Variants in JUP observed in about 807,000 individuals in gnomAD.
JUP encodes catenin (cadherin-associated protein), gamma 80kDa.
A neutral mutation model predicts 71.1 loss-of-function variants in JUP; 28 were observed. The ratio of observed to expected loss-of-function variants is 0.39; its 90% CI spans 0.29 to 0.54. The LOEUF is 0.54. Among genes scored for constraint, JUP ranks in the 20% least tolerant of loss-of-function variants. JUP has a pLI of 0.62. For missense variants in JUP, 869 were observed against 1,030.1 expected (o/e 0.84, Z 2.14); for synonymous variants, 401 against 438.9 (o/e 0.91, Z 1.08).
Position 41,769,558 on chromosome 17 carries a change from C to A in JUP, c.328G>T (p.Ala110Ser), listed in dbSNP as rs1916275770. The change falls in exon 3 of 14, where the codon GCC becomes TCC. Residue 110 changes from alanine (A) to serine (S), a missense_variant. Transcript: ENST00000393931. Reference protein sequence around the residue: ...LLLATQVEGQATNLQRLAEPS... With the variant: ...LLLATQVEGQSTNLQRLAEPS... The stretch of plus-strand genomic sequence containing the variant: ...TCGGCCAGTCGCTGCAGGTTGGTGG[C>A]CTGCCCCTCCACCTGGGTGGCCAGC... 6.2e-6 allele frequency: 10 copies of A among 1,607,914 alleles called. No individual in the cohort carries two copies. The highest frequency in any genetic ancestry group is 8.5e-6 in the Non-Finnish European group (10 of 1,178,050).
Position 41,755,579 on chromosome 17 carries a change from G to A in JUP, c.*165C>T. 1.6e-6 allele frequency: 1 copy of A among 609,046 alleles called. No individual in the cohort carries two copies. The allele number at this position is 609,046 out of a possible 1,614,324, so 37.7% of individuals were successfully genotyped here. On this transcript the variant is annotated 3_prime_UTR_variant, in exon 14 of 14. Coordinates refer to ENST00000393931, the MANE Select transcript of JUP (RefSeq NM_002230.4). The stretch of plus-strand genomic sequence containing the variant: ...CCCATCCCCACCAAAGACACAAGAA[G>A]AAGGCAGGCCAGGGCACACCGTGCT...
chr17:41,758,096 TA>T lies in JUP; in HGVS notation c.1773+302del, dbSNP rs1386194949. On this transcript the variant is annotated intron_variant, in intron 10 of 13. Transcript: ENST00000393931. ...ATATTCTCCCAGTTTGCTGATTTTTTAAAAATGCTTTTTTAGGTTCTTTCTG... is the reference window on the plus strand; with the variant it reads ...ATATTCTCCCAGTTTGCTGATTTTTTAAAATGCTTTTTTAGGTTCTTTCTG... 5.9e-5 allele frequency: 31 copies of T among 526,982 alleles called. No homozygotes were observed. In the South Asian group the frequency reaches 8.2e-4, roughly 14 times the overall value. 32.6% of individuals were successfully genotyped at this position (526,982 alleles called of 1,614,324 possible).
At position 41,755,185 on chromosome 17, in the gene JUP, A is replaced by G; in HGVS notation, c.*559T>C. The G allele has an allele frequency of 2.5e-6, 1 of 398,114 alleles. No homozygotes were observed. The highest frequency in any genetic ancestry group is 4.4e-6 in the Non-Finnish European group (1 of 226,254). 24.7% of individuals were successfully genotyped at this position (398,114 alleles called of 1,614,324 possible). On this transcript the variant is annotated 3_prime_UTR_variant, in exon 14 of 14. Coordinates refer to ENST00000393931, the MANE Select transcript of JUP (RefSeq NM_002230.4). ...TTTGGAGGGGCGTTGCTGGGGGAAA[A>G]CAGAATGGGTACTTGAGTCTGAAGC...
intron 12 of JUP, 25 bp downstream of exon 12, chr17:41,757,390 C>T (rs1184320958): frequency 2.5e-6 from 4 of 1,614,052 alleles, no homozygotes; most frequent in Non-Finnish European, 3.4e-6. Context: ...CAACCAACTA[C>T]TGTGGTCCAA....
Position 41,771,928 on chromosome 17 carries a change from G to A in JUP, c.-8-66C>T, listed in dbSNP as rs77327994. ...CTGGCCCAGCCCCCAGCTTCAGCCC[G>A]TCACCAAGCCCCGCCTGTCTTCCCA... On this transcript the variant is annotated intron_variant, in intron 1 of 13. Transcript: ENST00000393931. 0.019 allele frequency: 25,025 copies of A among 1,324,322 alleles called. 300 individuals carry two copies. The highest frequency in any genetic ancestry group is 0.021 in the Non-Finnish European group (20,101 of 944,362). 82.0% of individuals were successfully genotyped at this position (1,324,322 alleles called of 1,614,324 possible). A position where few individuals can be genotyped will look rare whatever the true frequency, so the allele number is the denominator to read the frequency against.
chr17:41,767,595 A>G lies in JUP; in HGVS notation c.708-15T>C. 1.7e-5 allele frequency: 16 copies of G among 939,146 alleles called. No homozygotes were observed. Among genetic ancestry groups the G allele is most frequent in the Non-Finnish European group, 2.5e-5 (15 of 602,424 alleles). 58.2% of individuals were successfully genotyped at this position (939,146 alleles called of 1,614,324 possible). A position where few individuals can be genotyped will look rare whatever the true frequency, so the allele number is the denominator to read the frequency against. The stretch of plus-strand genomic sequence containing the variant: ...CCACAGGGGAGCTGGGGGGGTGGGC[A>G]GGGGTTAGTACGCTGAGGTCCCAGA... On this transcript the variant is annotated splice_polypyrimidine_tract_variant and intron_variant, in intron 4 of 13. Coordinates refer to ENST00000393931, the MANE Select transcript of JUP (RefSeq NM_002230.4).
intron 1 of JUP, among the ~76,000 whole-genome samples, chr17:41,783,284 C>T (rs935930936): frequency 7.4e-5 from 8 of 108,322 alleles, no homozygotes; most frequent in Admixed American, 1.3e-4. Flanking sequence ...TAATGATACG[C>T]GTTTTTTTTG....
Position 41,757,499 on chromosome 17 carries a change from C to G in JUP, c.1962G>C (p.Glu654Asp), listed in dbSNP as rs1452869679. The G allele has an allele frequency of 1.2e-6, 2 of 1,614,062 alleles. No homozygotes were observed. Among genetic ancestry groups the G allele is most frequent in the Non-Finnish European group, 1.7e-6 (2 of 1,180,044 alleles). ...GCTTCCGGTAGTCTGGGTTCTTGTCCTCGGAGATGCGGAACAGGACGGCAG... is the reference window on the plus strand; with the variant it reads ...GCTTCCGGTAGTCTGGGTTCTTGTCGTCGGAGATGCGGAACAGGACGGCAG... ...YAAAVLFRISEDKNPDYRKRV... is the reference protein window; with the variant it reads ...YAAAVLFRISDDKNPDYRKRV... Residue 654 changes from glutamate to aspartate, a missense_variant, in exon 12 of 14, where the codon GAG (glutamate) becomes GAC (aspartate). Coordinates refer to ENST00000393931, the MANE Select transcript of JUP (RefSeq NM_002230.4).
chr17:41,757,148 C>T (rs79185099), intron 12 of JUP, among the ~76,000 whole-genome samples: 1 of 152,328 alleles, frequency 6.6e-6, no homozygotes, highest in Non-Finnish European at 1.5e-5. Context: ...AAAGACCGCC[C>T]ATAGCCTATC....
intron 1 of JUP, among the ~76,000 whole-genome samples, chr17:41,778,647 C>A (rs1171781777): frequency 2.0e-5 from 3 of 152,092 alleles, no homozygotes; most frequent in African/African-American, 7.2e-5. Flanking sequence ...CACGGTGGCT[C>A]ATGCCTGTAA....
In JUP at chr17:41,764,944, T is replaced by C; in HGVS notation, c.1033A>G (p.Lys345Glu). ...TCACCAGCCTCCACAATGGCAGGCT[T>C]ATTGCTGGGACACACGGATAGCACC... ...LKVLSVCPSN[K>E]PAIVEAGGMQ... The change falls in exon 6 of 14, where the codon AAG becomes GAG. Residue 345 changes from lysine (K) to glutamate (E), a missense_variant. Physicochemically the swap from Lys to Glu is moderately conservative, Grantham distance 56. Transcript: ENST00000393931. 6.2e-7 allele frequency: 1 copy of C among 1,614,134 alleles called. No individual in the cohort carries two copies. Among genetic ancestry groups the C allele is most frequent in the Non-Finnish European group, 8.5e-7 (1 of 1,180,024 alleles).
intron 1 of JUP, chr17:41,786,101 C>G (rs2047443477): frequency 6.6e-6 from 1 of 152,212 alleles, no homozygotes; most frequent in Admixed American, 6.5e-5. Context: ...ACAATAGGGC[C>G]CCACCCAGGC....
intron 8 of JUP, among the ~76,000 whole-genome samples, chr17:41,762,453 C>T (rs1450889748): frequency 1.3e-5 from 2 of 152,006 alleles, no homozygotes; most frequent in African/African-American, 2.4e-5. Context: ...TGCACTGATG[C>T]AATCATAGCT....
chr17:41,757,439 C>T lies in JUP; in HGVS notation c.2022G>A (p.Lys674=), dbSNP rs1914011102. 1 of 1,614,232 alleles carries T rather than the reference C, an allele frequency of 6.2e-7. No homozygotes were observed. The highest frequency in any genetic ancestry group is 8.5e-7 in the Non-Finnish European group (1 of 1,180,034). ...VSVELTNSLF[K]HDPAAWEAAQ... is the part of the protein sequence containing the mutation. ...CAGCCTCCCAGGCAGCCGGGTCATG[C>T]TTGAAGAGGGAGTTGGTGAGCTCCA... The change falls in exon 12 of 14, where the codon AAG becomes AAA. Residue 674 remains lysine, a synonymous_variant. Transcript: ENST00000393931.
chr17:41,758,071 A>G lies in JUP; in HGVS notation c.1774-287T>C, dbSNP rs1302683725. ...TTCTTGTCTGTTATGGTACTTGCAC[A>G]TATTCTCCCAGTTTGCTGATTTTTT... On this transcript the variant is annotated intron_variant, in intron 10 of 13. Transcript: ENST00000393931. The G allele has an allele frequency of 3.7e-5, 20 of 540,438 alleles. No individual in the cohort carries two copies. The East Asian group carries it at 5.1e-4, about 14-fold the overall frequency. The allele number at this position is 540,438 out of a possible 1,614,324, so 33.5% of individuals were successfully genotyped here. A position where few individuals can be genotyped will look rare whatever the true frequency, so the allele number is the denominator to read the frequency against.
intron 1 of JUP, among the ~76,000 whole-genome samples, chr17:41,781,150 C>T (rs1355610164): frequency 1.4e-5 from 2 of 147,478 alleles, no homozygotes; most frequent in East Asian, 2.0e-4. Context: ...CACTGCACTC[C>T]AGCCTGGGCG....
At chr17:41,779,333 ATTTTTT>A (rs34269111) in intron 1 of JUP, among the ~76,000 whole-genome samples, 2 of 100,220 alleles carry the variant, frequency 2.0e-5, no homozygotes, top group African/African-American at 7.3e-5. Context: ...AAACTTCCCA[ATTTTTT>A]TTTTTTTTTT....
At chr17:41,765,763 G>T (rs531584957) in intron 5 of JUP, among the ~76,000 whole-genome samples, 1 of 152,354 alleles carries the variant, frequency 6.6e-6, no homozygotes, top group Admixed American at 6.5e-5. Context: ...ACCAGTTATG[G>T]CACTGGAAAT....
At chr17:41,778,424 G>A (rs978569415) in intron 1 of JUP, among the ~76,000 whole-genome samples, 8 of 152,020 alleles carry the variant, frequency 5.3e-5, no homozygotes, top group East Asian at 1.9e-4. Context: ...AAAATTAGCC[G>A]GGCGTGGTGG....
Sources: gnomAD v4.1 joint callset for allele counts (sites outside exome capture counted in the v4.1 genomes callset) on GRCh38, gnomAD v4.1.1 for gene constraint, MANE v1.5 for transcripts, NCBI Gene and HGNC (gene_info 2026-07-23, HGNC 2026-07-21) for gene names.